ITGB8: variants seen among roughly 807,000 people sequenced by gnomAD.
The protein encoded by ITGB8 is integrin subunit beta 8, also known as integrin beta-8.
A neutral mutation model predicts 89.5 loss-of-function variants in ITGB8; 30 were observed. That is an observed-to-expected ratio of 0.34 (90% CI 0.25 to 0.45). The LOEUF is 0.45. Among genes scored for constraint, ITGB8 ranks in the 20% least tolerant of loss-of-function variants. The pLI, the probability that ITGB8 is intolerant of heterozygous loss-of-function variation, is 1.00. For missense variants in ITGB8, 836 were observed against 933.3 expected (o/e 0.90, Z 1.36); for synonymous variants, 335 against 320.4 (o/e 1.05, Z -0.49).
chr7:20,378,113 C>T (rs1222338575), intron 3 of ITGB8, among the ~76,000 whole-genome samples: 1 of 152,160 alleles, frequency 6.6e-6, no homozygotes, highest in African/African-American at 2.4e-5. Flanking sequence ...TGCCTTTTCA[C>T]CATATACTTG....
At chr7:20,362,349 T>C (rs1396782662) in intron 1 of ITGB8, among the ~76,000 whole-genome samples, 2 of 152,212 alleles carry the variant, frequency 1.3e-5, no homozygotes, top group Non-Finnish European at 2.9e-5. Context: ...CATACACACA[T>C]GTGCATGAGT....
chr7:20,409,485 C>A, intron 12 of ITGB8, 130 bp from the exon 13 acceptor site: 3 of 617,818 alleles, frequency 4.9e-6, no homozygotes, highest in Non-Finnish European at 5.4e-6. Flanking sequence ...AATTTCAATC[C>A]CGATTTGAAA....
At chr7:20,397,067 A>G (rs970133269) in intron 8 of ITGB8, among the ~76,000 whole-genome samples, 2 of 152,200 alleles carry the variant, frequency 1.3e-5, no homozygotes, top group African/African-American at 2.4e-5. Flanking sequence ...AGAATTATAT[A>G]GAATCTGCCT....
At position 20,331,217 on chromosome 7, in the gene ITGB8, G is replaced by T. The variant is rs567807207; in HGVS notation, c.-590G>T. 16 of 214,184 alleles carry T rather than the reference G, an allele frequency of 7.5e-5. No homozygotes were observed. Among genetic ancestry groups the T allele is most frequent in the Middle Eastern group, 1.4e-3 (1 of 716 alleles). 13.3% of individuals were successfully genotyped at this position (214,184 alleles called of 1,614,324 possible). ...TGTCTTTGCCCGCTGCTCCGCAGAC[G>T]GGGCTGCAAAGCTGCAACTAATGGT... On this transcript the variant is annotated 5_prime_UTR_variant, in exon 1 of 14. Transcript: ENST00000222573.
chr7:20,380,944 T>C, intron 5 of ITGB8, 113 bp downstream of exon 5: 1 of 874,458 alleles, frequency 1.1e-6, no homozygotes, highest in Non-Finnish European at 1.8e-6. Context: ...GAAGAAAACA[T>C]ATCTTACTAT....
chr7:20,385,769 A>C (rs991251208), intron 6 of ITGB8, among the ~76,000 whole-genome samples: 5 of 151,588 alleles, frequency 3.3e-5, no homozygotes, highest in Non-Finnish European at 5.9e-5. Context: ...AGAGCTTAAG[A>C]AGCTACTTTG....
At chr7:20,363,525 CTT>C (rs1200239190) in intron 1 of ITGB8, 110 bp from the exon 2 acceptor site, 6 of 521,066 alleles carry the variant, frequency 1.2e-5, no homozygotes, top group Non-Finnish European at 1.9e-5. Flanking sequence ...AAAAGGTCCT[CTT>C]GTTTCAGTTT....
chr7:20,405,395 C>T (rs923935576), intron 11 of ITGB8, among the ~76,000 whole-genome samples: 2 of 150,364 alleles, frequency 1.3e-5, no homozygotes, highest in African/African-American at 4.9e-5. Flanking sequence ...ACTGCAAGCT[C>T]CGCCTCCCGG....
intron 1 of ITGB8, among the ~76,000 whole-genome samples, chr7:20,351,900 G>C (rs1785127101): frequency 6.6e-6 from 1 of 151,668 alleles, no homozygotes; most frequent in Admixed American, 6.6e-5. Context: ...TTTTAAGTTG[G>C]AGAAAGGAAA....
At chr7:20,363,956 T>C (rs574247906) in intron 2 of ITGB8, among the ~76,000 whole-genome samples, 1 of 152,322 alleles carries the variant, frequency 6.6e-6, no homozygotes, top group East Asian at 1.9e-4. Context: ...GTGCAAACCA[T>C]TTTATGTTTT....
intron 3 of ITGB8, among the ~76,000 whole-genome samples, chr7:20,370,139 A>G (rs907440068): frequency 1.3e-5 from 2 of 151,918 alleles, no homozygotes; most frequent in African/African-American, 4.8e-5. Context: ...AAATGGATGT[A>G]TAAATCCAGA....
intron 7 of ITGB8, among the ~76,000 whole-genome samples, chr7:20,393,754 T>C (rs1786958621): frequency 6.6e-6 from 1 of 152,312 alleles, no homozygotes; most frequent in East Asian, 1.9e-4. Context: ...TCGCTTCTCA[T>C]GTCTGGAAGC....
chr7:20,404,405 G>A (rs532334730), intron 10 of ITGB8, among the ~76,000 whole-genome samples: 16 of 152,294 alleles, frequency 1.1e-4, no homozygotes, highest in African/African-American at 2.9e-4. Flanking sequence ...GCTTGTTAGC[G>A]GAGTGCATTA....
chr7:20,410,324 G>A lies in ITGB8; in HGVS notation c.*327G>A, dbSNP rs950584453. On this transcript the variant is annotated 3_prime_UTR_variant, in exon 14 of 14. Transcript: ENST00000222573. ...CTTTACAGGTACCTGTTATCCCTACGCTTCCCAGAGAGAACAATGCTGTGA... is the reference window on the plus strand; with the variant it reads ...CTTTACAGGTACCTGTTATCCCTACACTTCCCAGAGAGAACAATGCTGTGA... The A allele has an allele frequency of 8.1e-6, 2 of 246,466 alleles. No homozygotes were observed. Among genetic ancestry groups the A allele is most frequent in the East Asian group, 1.2e-4 (1 of 8,514 alleles). The allele number at this position is 246,466 out of a possible 1,614,324, so 15.3% of individuals were successfully genotyped here. A position where few individuals can be genotyped will look rare whatever the true frequency, so the allele number is the denominator to read the frequency against.
At chr7:20,383,527 TTTTA>T (rs1786486964) in intron 6 of ITGB8, among the ~76,000 whole-genome samples, 1 of 152,128 alleles carries the variant, frequency 6.6e-6, no homozygotes, top group East Asian at 1.9e-4. Flanking sequence ...AAGAGAAGGT[TTTTA>T]TTTTTTTAAG....
intron 10 of ITGB8, among the ~76,000 whole-genome samples, chr7:20,404,056 C>A (rs1203026946): frequency 6.6e-6 from 1 of 152,194 alleles, no homozygotes; most frequent in African/African-American, 2.4e-5. Context: ...GGAGGATCTG[C>A]TCTGCTAACT....
chr7:20,388,398 TA>T (rs1427453338), intron 6 of ITGB8, among the ~76,000 whole-genome samples: 1 of 152,136 alleles, frequency 6.6e-6, no homozygotes, highest in Non-Finnish European at 1.5e-5. Context: ...GCTAGTGAAA[TA>T]AAAGATAAAA....
At chr7:20,366,749 G>A (rs1785713867) in intron 2 of ITGB8, 1 of 336,822 alleles carries the variant, frequency 3.0e-6, no homozygotes, top group Non-Finnish European at 5.4e-6. Flanking sequence ...TGGATCAGGA[G>A]GGAGACTCTG....
intron 1 of ITGB8, among the ~76,000 whole-genome samples, chr7:20,362,991 A>G (rs77793526): frequency 0.045 from 6,912 of 152,284 alleles, 208 homozygotes; most frequent in Non-Finnish European, 0.066. Context: ...AAGTCCTCCA[A>G]TCTAAGAAAT....
Sources: allele counts gnomAD v4.1 joint callset (sites outside exome capture counted in the v4.1 genomes callset), GRCh38; gene constraint gnomAD v4.1.1; transcripts MANE v1.5; gene names NCBI Gene and HGNC (gene_info 2026-07-23, HGNC 2026-07-21).